LARGE1: variants seen among roughly 807,000 people sequenced by gnomAD.
LARGE1 encodes xylosyl- and glucuronyltransferase LARGE1.
In LARGE1, 43 loss-of-function variants were observed where a neutral mutation model predicts 87.6. The ratio of observed to expected loss-of-function variants is 0.49; its 90% CI spans 0.38 to 0.63. The LOEUF is 0.63. LARGE1 is among the 30% of genes least tolerant of loss of function. LARGE1 has a pLI of 0.00. For synonymous variants in LARGE1, 434 were observed against 394.6 expected (o/e 1.10, Z -1.18); for missense variants, 802 against 1,000.2 (o/e 0.80, Z 2.67).
intron 11 of LARGE1, among the ~76,000 whole-genome samples, chr22:33,199,275 T>C (rs1924249299): frequency 6.6e-6 from 1 of 152,098 alleles, no homozygotes; most frequent in South Asian, 2.1e-4. Flanking sequence ...GTTGGATGCA[T>C]AGTTTGCAAA....
At chr22:33,687,928 G>T (rs1377930310) in intron 2 of LARGE1, among the ~76,000 whole-genome samples, 1 of 152,070 alleles carries the variant, frequency 6.6e-6, no homozygotes, top group African/African-American at 2.4e-5. Flanking sequence ...TACCTACAGA[G>T]AACTTCCATA....
chr22:33,440,105 G>C (rs907116894), intron 6 of LARGE1, among the ~76,000 whole-genome samples: 6 of 152,118 alleles, frequency 3.9e-5, no homozygotes, highest in African/African-American at 9.7e-5. Context: ...GAAATGTTTT[G>C]AAAGCACAAA....
chr22:33,091,859 T>C, the LARGE1 span, among the ~76,000 whole-genome samples: 944 of 152,294 alleles, frequency 6.2e-3, 9 homozygotes, highest in African/African-American at 0.022. Flanking sequence ...TCAAAGTTAA[T>C]TTCAGAAATA....
intron 9 of LARGE1, among the ~76,000 whole-genome samples, chr22:33,339,326 C>T (rs1213484839): frequency 6.6e-6 from 1 of 151,708 alleles, no homozygotes; most frequent in Non-Finnish European, 1.5e-5. Flanking sequence ...AACTCAAGTG[C>T]TCTAGCTGGA....
chr22:33,569,822 C>G (rs1681204846), intron 5 of LARGE1, among the ~76,000 whole-genome samples: 1 of 152,232 alleles, frequency 6.6e-6, no homozygotes, highest in South Asian at 2.1e-4. Flanking sequence ...CCATGCCCCT[C>G]TCCTGCACTT....
chr22:33,102,041 T>G, the LARGE1 span, among the ~76,000 whole-genome samples: 2 of 152,190 alleles, frequency 1.3e-5, no homozygotes, highest in African/African-American at 4.8e-5. Flanking sequence ...TTTCTCTCCA[T>G]TTCCCATTCA....
intron 1 of LARGE1, among the ~76,000 whole-genome samples, chr22:33,773,766 T>C (rs77578768): frequency 0.026 from 3,922 of 152,298 alleles, 75 homozygotes; most frequent in Non-Finnish European, 0.041. Context: ...GGAAAGCCCA[T>C]GGCAATATCA....
At chr22:33,758,979 A>G (rs1379006534) in intron 2 of LARGE1, among the ~76,000 whole-genome samples, 6 of 152,212 alleles carry the variant, frequency 3.9e-5, no homozygotes, top group Non-Finnish European at 7.3e-5. Context: ...CAGGCAATTC[A>G]ATCAGAGGCA....
At chr22:33,073,060 T>A in the LARGE1 span, among the ~76,000 whole-genome samples, 2 of 152,208 alleles carry the variant, frequency 1.3e-5, no homozygotes, top group South Asian at 4.1e-4. Flanking sequence ...GATGGGAACA[T>A]CATGTCAACT....
chr22:33,894,066 C>T (rs1269250339), intron 1 of LARGE1, among the ~76,000 whole-genome samples: 1 of 152,040 alleles, frequency 6.6e-6, no homozygotes, highest in East Asian at 1.9e-4. Flanking sequence ...GGTCAACTCC[C>T]CTCCCCATCT....
chr22:33,342,037 T>C (rs909371520), intron 9 of LARGE1, among the ~76,000 whole-genome samples: 1 of 152,096 alleles, frequency 6.6e-6, no homozygotes, highest in African/African-American at 2.4e-5. Context: ...GACGTATGAG[T>C]GTGCAATATG....
chr22:33,620,448 A>G (rs1006078133), intron 4 of LARGE1, among the ~76,000 whole-genome samples: 6 of 151,850 alleles, frequency 4.0e-5, no homozygotes, highest in Admixed American at 2.0e-4. Flanking sequence ...ATTCCCCCCA[A>G]TTTTCCTCTG....
chr22:33,691,590 T>G (rs2082101933), intron 2 of LARGE1, among the ~76,000 whole-genome samples: 1 of 152,110 alleles, frequency 6.6e-6, no homozygotes, highest in Non-Finnish European at 1.5e-5. Flanking sequence ...TCTGCTCACA[T>G]CCATACATCT....
chr22:33,263,751 C>A (rs983718574), intron 11 of LARGE1, among the ~76,000 whole-genome samples: 5 of 152,206 alleles, frequency 3.3e-5, no homozygotes, highest in Admixed American at 1.3e-4. Flanking sequence ...GTGGTAATTT[C>A]TTACACAGCA....
At chr22:33,295,887 G>A (rs973773262) in intron 12 of LARGE1, among the ~76,000 whole-genome samples, 1 of 152,210 alleles carries the variant, frequency 6.6e-6, no homozygotes, top group Non-Finnish European at 1.5e-5. Context: ...TTAATGGGTG[G>A]CATTAACATT....
At chr22:33,201,354 AAGAG>A (rs201670195) in intron 11 of LARGE1, among the ~76,000 whole-genome samples, 4,496 of 150,294 alleles carry the variant, frequency 0.03, 96 homozygotes, top group Admixed American at 0.055. Flanking sequence ...AAGAGAGAGA[AAGAG>A]AGAGAGAGGA....
intron 2 of LARGE1, among the ~76,000 whole-genome samples, chr22:33,668,539 T>A (rs1379235112): frequency 6.6e-6 from 1 of 152,342 alleles, no homozygotes; most frequent in Middle Eastern, 3.4e-3. Context: ...TTCTCTGAAA[T>A]AAACTCCCAT....
intron 12 of LARGE1, among the ~76,000 whole-genome samples, chr22:33,295,002 T>C (rs1933035349): frequency 6.6e-6 from 1 of 152,214 alleles, no homozygotes; most frequent in Non-Finnish European, 1.5e-5. Flanking sequence ...TAAAAGCACT[T>C]ATCTTTGACT....
At chr22:33,672,719 C>T (rs574613978) in intron 2 of LARGE1, among the ~76,000 whole-genome samples, 1 of 152,296 alleles carries the variant, frequency 6.6e-6, no homozygotes, top group Admixed American at 6.5e-5. Context: ...AAACTCAATG[C>T]TAGAAATAAG....
Sources: gnomAD v4.1 joint callset for allele counts (sites outside exome capture counted in the v4.1 genomes callset) on GRCh38, gnomAD v4.1.1 for gene constraint, MANE v1.5 for transcripts, NCBI Gene and HGNC (gene_info 2026-07-23, HGNC 2026-07-21) for gene names.